The following NRG1 variants were observed in gnomAD, a reference collection of about 807,000 sequenced individuals.
The protein encoded by NRG1 is neuregulin 1.
A neutral mutation model predicts 63.8 loss-of-function variants in NRG1; 18 were observed. That is an observed-to-expected ratio of 0.28 (90% CI 0.19 to 0.42). NRG1 has a LOEUF of 0.42. Among genes scored for constraint, NRG1 ranks in the 10% least tolerant of loss-of-function variants. The pLI is 1.00. For synonymous variants in NRG1, 302 were observed against 301.3 expected (o/e 1.00, Z -0.02); for missense variants, 762 against 814.7 (o/e 0.94, Z 0.79).
intron 1 of NRG1, among the ~76,000 whole-genome samples, chr8:32,552,378 A>G (rs1025606335): frequency 1.3e-5 from 2 of 152,030 alleles, no homozygotes; most frequent in Non-Finnish European, 2.9e-5. Flanking sequence ...ATGCCTAGCC[A>G]GATTCTAGAA....
At chr8:32,392,217 T>C (rs2129484046) in intron 1 of NRG1, among the ~76,000 whole-genome samples, 1 of 152,334 alleles carries the variant, frequency 6.6e-6, no homozygotes, top group Admixed American at 6.5e-5. Context: ...AGGATGACTT[T>C]AGGAGTCATT....
At chr8:32,741,607 A>G (rs771767906) in intron 6 of NRG1, among the ~76,000 whole-genome samples, 6 of 152,198 alleles carry the variant, frequency 3.9e-5, no homozygotes, top group African/African-American at 1.4e-4. Context: ...AAAGCTCAAG[A>G]TCATTTATTG....
chr8:31,979,051 T>A (rs976034764), intron 1 of NRG1, among the ~76,000 whole-genome samples: 1 of 152,164 alleles, frequency 6.6e-6, no homozygotes, highest in Non-Finnish European at 1.5e-5. Flanking sequence ...ATTCAAGGTC[T>A]TCCCAGAGAG....
intron 1 of NRG1, among the ~76,000 whole-genome samples, chr8:31,793,731 TC>T (rs1206746007): frequency 6.6e-6 from 1 of 152,138 alleles, no homozygotes. Flanking sequence ...TGTAATATAA[TC>T]CATGGGAAGA....
At chr8:32,016,844 T>C (rs994194894) in intron 1 of NRG1, among the ~76,000 whole-genome samples, 1 of 152,182 alleles carries the variant, frequency 6.6e-6, no homozygotes, top group Non-Finnish European at 1.5e-5. Flanking sequence ...AACAATAAAA[T>C]GATCCCAATC....
chr8:31,728,290 C>T (rs979448755), intron 1 of NRG1, among the ~76,000 whole-genome samples: 2 of 151,966 alleles, frequency 1.3e-5, no homozygotes, highest in African/African-American at 4.8e-5. Flanking sequence ...ATGGTGAAAC[C>T]CCGTCTCTAC....
rs148994802 is a variant in NRG1, at chr8:32,616,356, C to A, written c.452-479C>A. On this transcript the variant is annotated intron_variant, in intron 4 of 11. Coordinates refer to ENST00000356819, the Ensembl canonical transcript of NRG1. ...ATGGACTTTTCAGCACTTTCTGGTC[C>A]GGATGTTTATGCAGATCCAAGTTGC... is the stretch of plus-strand genomic sequence containing the variant. Among the ~76,000 whole-genome samples the A allele has an allele frequency of 6.9e-3, 1,057 of 152,114 alleles. 13 individuals are homozygous for A. Among genetic ancestry groups the A allele is most frequent in the African/African-American group, 0.024 (988 of 41,512 alleles).
intron 1 of NRG1, among the ~76,000 whole-genome samples, chr8:31,757,887 T>C (rs1563366159): frequency 6.6e-6 from 1 of 152,132 alleles, no homozygotes; most frequent in Non-Finnish European, 1.5e-5. Context: ...GAAATTTCTT[T>C]ATGCACCTTC....
At chr8:32,624,198 C>A (rs1247669472) in intron 5 of NRG1, among the ~76,000 whole-genome samples, 1 of 152,194 alleles carries the variant, frequency 6.6e-6, no homozygotes, top group African/African-American at 2.4e-5. Flanking sequence ...ATCTAAACAG[C>A]ACATTTTAGG....
At chr8:31,763,242 C>T (rs1474470428) in intron 1 of NRG1, among the ~76,000 whole-genome samples, 1 of 152,146 alleles carries the variant, frequency 6.6e-6, no homozygotes, top group African/African-American at 2.4e-5. Flanking sequence ...TAAAACATTT[C>T]TCTGTGGAAT....
At chr8:32,757,047 C>T (rs1010526507) in intron 9 of NRG1, among the ~76,000 whole-genome samples, 7 of 152,092 alleles carry the variant, frequency 4.6e-5, no homozygotes, top group African/African-American at 1.4e-4. Flanking sequence ...TATCAAACAC[C>T]CTTCTCAGTA....
At chr8:32,008,795 G>C (rs1814237615) in intron 1 of NRG1, among the ~76,000 whole-genome samples, 1 of 152,038 alleles carries the variant, frequency 6.6e-6, no homozygotes, top group Non-Finnish European at 1.5e-5. Context: ...CTCTTTCTGT[G>C]ACTCAAAGCT....
rs754763991 is a variant in NRG1, at chr8:32,267,562, CT to C, written c.38-328264del. On this transcript the variant is annotated intron_variant, in intron 1 of 10. Transcript: ENST00000519301. ...TCTAGAAGAAAACTCACCCAAATTT[CT>C]TGTACCAAATGAAGGTATACTGCAG... Among the ~76,000 whole-genome samples, 132 of 152,296 alleles carry C rather than the reference CT, an allele frequency of 8.7e-4. 1 individual carries two copies. Among genetic ancestry groups the C allele is most frequent in the Non-Finnish European group, 1.6e-3 (106 of 68,014 alleles).
chr8:32,239,136 T>C, intron 1 of NRG1, among the ~76,000 whole-genome samples: 1 of 152,276 alleles, frequency 6.6e-6, no homozygotes, highest in African/African-American at 2.4e-5. Flanking sequence ...TAAGAATTTC[T>C]TAGGATATAG....
intron 1 of NRG1, among the ~76,000 whole-genome samples, chr8:31,961,442 AAT>A (rs1231582257): frequency 1.3e-5 from 2 of 152,246 alleles, no homozygotes; most frequent in Admixed American, 1.3e-4. Context: ...TACTGAAACT[AAT>A]AAAAGAATTC....
chr8:32,374,530 C>T (rs1450146461), intron 1 of NRG1, among the ~76,000 whole-genome samples: 1 of 152,154 alleles, frequency 6.6e-6, no homozygotes. Context: ...AATTTAGGTG[C>T]CAGCTGTTGT....
Position 31,640,406 on chromosome 8 carries a change from C to T in NRG1, c.37+975C>T, listed in dbSNP as rs1316291044. The T allele has an allele frequency of 4.1e-6, 6 of 1,464,236 alleles. No individual in the cohort carries two copies. Among genetic ancestry groups the T allele is most frequent in the Non-Finnish European group, 5.4e-6 (6 of 1,106,292 alleles). 90.7% of individuals were successfully genotyped at this position (1,464,236 alleles called of 1,614,324 possible). A position where few individuals can be genotyped will look rare whatever the true frequency, so the allele number is the denominator to read the frequency against. ...CTGCTCGCCGCCAACGGGACCGTGCCCTCTTGGCCCACCGCCCCGGTGCCC... is the reference window on the plus strand; with the variant it reads ...CTGCTCGCCGCCAACGGGACCGTGCTCTCTTGGCCCACCGCCCCGGTGCCC... On this transcript the variant is annotated intron_variant, in intron 1 of 10. Coordinates refer to the NRG1 transcript ENST00000519301. The surrounding 1 kb of genome is among the most constrained non-coding windows in gnomAD (Gnocchi z 6.3).
At chr8:31,678,992 T>C (rs970282156) in intron 1 of NRG1, among the ~76,000 whole-genome samples, 1 of 151,992 alleles carries the variant, frequency 6.6e-6, no homozygotes, top group African/African-American at 2.4e-5. Flanking sequence ...ACTAAAGTTA[T>C]ATATTAACAT....
At chr8:32,197,630 A>G (rs1180023673) in intron 1 of NRG1, among the ~76,000 whole-genome samples, 1 of 152,230 alleles carries the variant, frequency 6.6e-6, no homozygotes, top group Non-Finnish European at 1.5e-5. Context: ...TCACACAACC[A>G]TAAACATTTG....
Sources: gnomAD v4.1 joint callset for allele counts (sites outside exome capture counted in the v4.1 genomes callset) on GRCh38, gnomAD v4.1.1 for gene constraint, Gnocchi (gnomAD v3.1) non-coding constraint, MANE v1.5 for transcripts, NCBI Gene and HGNC (gene_info 2026-07-23, HGNC 2026-07-21) for gene names.